Variants in IL1R1 observed in about 807,000 individuals in gnomAD.
IL1R1 encodes interleukin 1 receptor type 1, also known as interleukin-1 receptor type 1.
A neutral mutation model predicts 50.2 loss-of-function variants in IL1R1; 22 were observed. The observed-to-expected ratio is 0.44, with a 90% CI of 0.31 to 0.63. The LOEUF is 0.63. IL1R1 is among the 20% of genes least tolerant of loss of function. The pLI, the probability that IL1R1 is intolerant of heterozygous loss-of-function variation, is 0.07. For synonymous variants in IL1R1, 251 were observed against 236.7 expected, an observed-to-expected ratio of 1.06 and a Z score of -0.55; for missense variants, 509 against 676.2, an observed-to-expected ratio of 0.75 and a Z score of 2.74.
At chr2:102,176,143 C>T (rs1218328546) in intron 11 of IL1R1, 15 of 522,936 alleles carry the variant, frequency 2.9e-5, no homozygotes, top group Admixed American at 1.4e-4. Context: ...TCCAAGATCA[C>T]GCCACTGCGC....
chr2:102,137,180 C>T (rs1175876193), intron 1 of IL1R1, among the ~76,000 whole-genome samples: 2 of 152,104 alleles, frequency 1.3e-5, no homozygotes, highest in African/African-American at 4.8e-5. Flanking sequence ...TCTGAGACAC[C>T]TTGCATGCTA....
chr2:102,138,996 T>C (rs1011035253), upstream of IL1R1, among the ~76,000 whole-genome samples: 2 of 152,220 alleles, frequency 1.3e-5, no homozygotes, highest in Admixed American at 6.6e-5. Context: ...TCAGTCTCTC[T>C]GGGGGTAGTA....
intron 1 of IL1R1, among the ~76,000 whole-genome samples, chr2:102,078,450 G>C (rs1679068695): frequency 6.6e-6 from 1 of 151,864 alleles, no homozygotes; most frequent in South Asian, 2.1e-4. Context: ...AAAAAGCCTA[G>C]TTGAAAGGCA....
chr2:102,116,848 C>T (rs533070817), intron 1 of IL1R1, among the ~76,000 whole-genome samples: 6 of 152,188 alleles, frequency 3.9e-5, no homozygotes, highest in South Asian at 2.1e-4. Flanking sequence ...TTTATGACCT[C>T]GTAACATTTT....
intron 3 of IL1R1, among the ~76,000 whole-genome samples, chr2:102,158,269 G>A (rs1181213537): frequency 6.6e-6 from 1 of 152,182 alleles, no homozygotes; most frequent in African/African-American, 2.4e-5. Flanking sequence ...TGGGGATACA[G>A]CAGGGAACAG....
intron 1 of IL1R1, among the ~76,000 whole-genome samples, chr2:102,121,539 C>G (rs1253642362): frequency 6.6e-6 from 1 of 152,194 alleles, no homozygotes; most frequent in African/African-American, 2.4e-5. Flanking sequence ...GATCTTCCCT[C>G]TAGCTCTACA....
chr2:102,157,486 T>C (rs1366583856), intron 2 of IL1R1, among the ~76,000 whole-genome samples: 4 of 152,218 alleles, frequency 2.6e-5, no homozygotes, highest in Admixed American at 6.5e-5. Flanking sequence ...AATCTTAAGT[T>C]GTTGAGTTTG....
chr2:102,113,963 G>T (rs1388309561), intron 1 of IL1R1, among the ~76,000 whole-genome samples: 1 of 152,208 alleles, frequency 6.6e-6, no homozygotes. Context: ...TCTCAGCTCT[G>T]TACACATCAT....
chr2:102,128,379 C>T (rs1392111517), intron 1 of IL1R1, among the ~76,000 whole-genome samples: 1 of 152,156 alleles, frequency 6.6e-6, no homozygotes, highest in East Asian at 1.9e-4. Flanking sequence ...ATAGGTATAT[C>T]ATGCTCATTT....
At chr2:102,099,494 T>C (rs1306368392) in intron 1 of IL1R1, among the ~76,000 whole-genome samples, 1 of 152,158 alleles carries the variant, frequency 6.6e-6, no homozygotes, top group Non-Finnish European at 1.5e-5. Flanking sequence ...GTACCATGGC[T>C]CCTAGCATGG....
intron 1 of IL1R1, among the ~76,000 whole-genome samples, chr2:102,070,817 C>T (rs946323059): frequency 2.6e-5 from 4 of 152,028 alleles, no homozygotes; most frequent in African/African-American, 9.7e-5. Flanking sequence ...CTGTGTTCAC[C>T]CCTCCCTCAT....
intron 6 of IL1R1, among the ~76,000 whole-genome samples, chr2:102,168,194 CAG>C (rs1685367505): frequency 6.6e-6 from 1 of 152,208 alleles, no homozygotes; most frequent in East Asian, 1.9e-4. Flanking sequence ...GTCATTAACA[CAG>C]TCATTAAATG....
chr2:102,117,506 A>G (rs1433273576), intron 1 of IL1R1, among the ~76,000 whole-genome samples: 1 of 152,216 alleles, frequency 6.6e-6, no homozygotes, highest in Non-Finnish European at 1.5e-5. Flanking sequence ...AATTTCTTGG[A>G]TCCTTAAATA....
intron 1 of IL1R1, among the ~76,000 whole-genome samples, chr2:102,122,516 A>G (rs927198506): frequency 8.5e-5 from 13 of 152,238 alleles, no homozygotes; most frequent in African/African-American, 2.9e-4. Flanking sequence ...CAGTTTACTA[A>G]CAGGCGTGAG....
intron 1 of IL1R1, among the ~76,000 whole-genome samples, chr2:102,108,337 A>G (rs1376509753): frequency 1.3e-5 from 2 of 152,022 alleles, no homozygotes; most frequent in Non-Finnish European, 2.9e-5. Flanking sequence ...TACATTTTAG[A>G]TTAAAAAGAT....
At chr2:102,080,737 C>T (rs1452168897) in intron 1 of IL1R1, among the ~76,000 whole-genome samples, 1 of 152,142 alleles carries the variant, frequency 6.6e-6, no homozygotes, top group Non-Finnish European at 1.5e-5. Context: ...TAATTAACAA[C>T]ACAAAAATCT....
chr2:102,095,760 T>C lies in IL1R1; in HGVS notation c.-84+25227T>C, dbSNP rs1313618749. 2.0e-5 allele frequency among the ~76,000 whole-genome samples: 3 copies of C among 152,212 alleles called. No individual in the cohort carries two copies. The East Asian group carries it at 5.8e-4, about 29-fold the overall frequency. ...TGGCTCACGCCTGAAATCCCAGCAC[T>C]TTGGGAGGCCGAGGCGGGCGGATCA... is the stretch of plus-strand genomic sequence containing the variant. On this transcript the variant is annotated intron_variant, in intron 1 of 11. Transcript: ENST00000409929.
chr2:102,129,084 G>C (rs1293306544), intron 1 of IL1R1, among the ~76,000 whole-genome samples: 4 of 152,034 alleles, frequency 2.6e-5, no homozygotes, highest in African/African-American at 9.7e-5. Flanking sequence ...GGTGGTCCAG[G>C]CCTGTAGTCC....
chr2:102,105,218 A>T (rs12468310), intron 1 of IL1R1, among the ~76,000 whole-genome samples: 41,309 of 152,066 alleles, frequency 0.27, 6,373 homozygotes, highest in African/African-American at 0.42. Flanking sequence ...AGAGATGTTA[A>T]GTGAAAGGTG....
Sources: gnomAD v4.1 joint callset for allele counts (sites outside exome capture counted in the v4.1 genomes callset) on GRCh38, gnomAD v4.1.1 for gene constraint, MANE v1.5 for transcripts, NCBI Gene and HGNC (gene_info 2026-07-23, HGNC 2026-07-21) for gene names.